The following NRXN3 variants were observed in gnomAD, a reference collection of about 807,000 sequenced individuals.
NRXN3 encodes neurexin III.
In NRXN3, 32 loss-of-function variants were observed where a neutral mutation model predicts 137.6. The ratio of observed to expected loss-of-function variants is 0.23; its 90% CI spans 0.18 to 0.31. NRXN3 has a LOEUF of 0.31. Among genes scored for constraint, NRXN3 ranks in the 10% least tolerant of loss-of-function variants. The pLI is 1.00. For missense variants in NRXN3, 1,574 were observed against 2,062.5 expected (o/e 0.76, Z 4.59); for synonymous variants, 798 against 784.5 (o/e 1.02, Z -0.29).
At chr14:79,854,536 TCA>T (rs2099398543) in intron 20 of NRXN3, among the ~76,000 whole-genome samples, 1 of 152,186 alleles carries the variant, frequency 6.6e-6, no homozygotes, top group Admixed American at 6.5e-5. Context: ...AATTCTACTC[TCA>T]GTAGAAGGGG....
chr14:79,423,759 T>C (rs1024654553), intron 15 of NRXN3, among the ~76,000 whole-genome samples: 1 of 152,232 alleles, frequency 6.6e-6, no homozygotes, highest in Admixed American at 6.5e-5. Context: ...AGATGCCTAG[T>C]ATGTGGTAAA....
intron 16 of NRXN3, among the ~76,000 whole-genome samples, chr14:79,530,662 C>G (rs2097162018): frequency 6.7e-6 from 1 of 149,066 alleles, no homozygotes; most frequent in East Asian, 2.0e-4. Context: ...AAAATTTTAG[C>G]TGTGATTGAA....
At chr14:78,414,496 T>C (rs1170821576) in intron 4 of NRXN3, among the ~76,000 whole-genome samples, 1 of 152,168 alleles carries the variant, frequency 6.6e-6, no homozygotes, top group Non-Finnish European at 1.5e-5. Flanking sequence ...CTGGTGGTGT[T>C]TTCCTTTCTC....
intron 4 of NRXN3, among the ~76,000 whole-genome samples, chr14:78,600,712 T>A (rs1322759967): frequency 6.6e-6 from 1 of 152,218 alleles, no homozygotes; most frequent in Middle Eastern, 3.2e-3. Flanking sequence ...CCTCCAGGGC[T>A]CTGGACATGT....
chr14:79,199,952 C>T (rs938398023), intron 15 of NRXN3: 1 of 152,068 alleles, frequency 6.6e-6, no homozygotes, highest in Non-Finnish European at 1.5e-5. Context: ...CACTGATGGT[C>T]ACTATGGAGA....
chr14:79,144,935 AATTAGGTT>A lies in NRXN3; in HGVS notation c.3262+156800_3262+156807del, dbSNP rs368537947. Among the ~76,000 whole-genome samples, 316 of 152,086 alleles carry A rather than the reference AATTAGGTT, an allele frequency of 2.1e-3. 1 individual carries two copies. Among genetic ancestry groups the A allele is most frequent in the Middle Eastern group, 6.8e-3 (2 of 294 alleles). On this transcript the variant is annotated intron_variant, in intron 15 of 20. Coordinates refer to ENST00000335750, the MANE Select transcript of NRXN3 (RefSeq NM_001330195.2). ...AGAGTTAATGGACTTATGATCTAAA[AATTAGGTT>A]ATTAGAAATTTTTGTCATAAAACCT...
chr14:79,612,504 T>C (rs1460201890), intron 16 of NRXN3, among the ~76,000 whole-genome samples: 1 of 152,204 alleles, frequency 6.6e-6, no homozygotes, highest in Non-Finnish European at 1.5e-5. Flanking sequence ...TCTGTAACCA[T>C]GTAAAAGAAA....
intron 16 of NRXN3, among the ~76,000 whole-genome samples, chr14:79,544,337 A>G (rs2153738606): frequency 6.6e-6 from 1 of 152,342 alleles, no homozygotes; most frequent in South Asian, 2.1e-4. Context: ...GTTTCCATGC[A>G]CTGGAGCATT....
intron 10 of NRXN3, among the ~76,000 whole-genome samples, chr14:78,932,968 G>A (rs2099326527): frequency 1.3e-5 from 2 of 152,152 alleles, no homozygotes; most frequent in Admixed American, 1.3e-4. Flanking sequence ...CAAAACCTAG[G>A]TGTGTGGCAG....
chr14:79,243,465 G>A (rs2074630540), intron 15 of NRXN3, among the ~76,000 whole-genome samples: 1 of 152,152 alleles, frequency 6.6e-6, no homozygotes, highest in African/African-American at 2.4e-5. Flanking sequence ...TGGATGCAGA[G>A]TGCTTTATGT....
At position 79,129,053 on chromosome 14, in the gene NRXN3, T is replaced by G. The variant is rs192118037; in HGVS notation, c.3262+140912T>G. 1.1e-3 allele frequency among the ~76,000 whole-genome samples: 171 copies of G among 152,336 alleles called. 1 individual carries two copies. The highest frequency in any genetic ancestry group is 2.5e-4 in the Non-Finnish European group (17 of 68,036). ...CTTTATCATTTTTTATTGCGTCTAT[T>G]TGATTCTTCTCTCTTTTTTTCTTTA... On this transcript the variant is annotated intron_variant, in intron 15 of 20. Coordinates refer to ENST00000335750, the MANE Select transcript of NRXN3 (RefSeq NM_001330195.2).
At chr14:78,875,467 G>T (rs560401641) in intron 10 of NRXN3, among the ~76,000 whole-genome samples, 3 of 151,958 alleles carry the variant, frequency 2.0e-5, no homozygotes, top group African/African-American at 7.3e-5. Flanking sequence ...ATACAGTGCC[G>T]TAATAAAAAT....
At chr14:78,659,375 TA>T (rs957046462) in intron 6 of NRXN3, among the ~76,000 whole-genome samples, 6 of 151,724 alleles carry the variant, frequency 4.0e-5, no homozygotes, top group African/African-American at 7.3e-5. Flanking sequence ...GGGTTGACCA[TA>T]AAAAAAAGAT....
At chr14:78,185,246 AGG>A (rs2060139658) in intron 1 of NRXN3, among the ~76,000 whole-genome samples, 1 of 152,208 alleles carries the variant, frequency 6.6e-6, no homozygotes, top group African/African-American at 2.4e-5. Flanking sequence ...GAGGGAACCC[AGG>A]GGTTTCGATG....
intron 10 of NRXN3, among the ~76,000 whole-genome samples, chr14:78,901,498 T>A (rs2099196277): frequency 6.6e-6 from 1 of 152,068 alleles, no homozygotes; most frequent in Non-Finnish European, 1.5e-5. Context: ...TCTATAAGTA[T>A]GTGACCTGGG....
At chr14:79,637,772 C>G (rs1026480010) in intron 16 of NRXN3, among the ~76,000 whole-genome samples, 5 of 115,688 alleles carry the variant, frequency 4.3e-5, no homozygotes, top group African/African-American at 2.0e-4. Context: ...CTCTAGCACA[C>G]AGGCTGGAAT....
intron 8 of NRXN3, among the ~76,000 whole-genome samples, chr14:78,717,245 A>G (rs2098438186): frequency 6.6e-6 from 1 of 152,160 alleles, no homozygotes; most frequent in Non-Finnish European, 1.5e-5. Flanking sequence ...TCAAGGGTGA[A>G]TCAACGGGAG....
intron 1 of NRXN3, among the ~76,000 whole-genome samples, chr14:78,239,394 A>G (rs2066780289): frequency 6.6e-6 from 1 of 152,192 alleles, no homozygotes; most frequent in Admixed American, 6.5e-5. Context: ...AGCTCAATAA[A>G]CAGTTGAATT....
chr14:78,427,474 A>G (rs1233304831), intron 4 of NRXN3, among the ~76,000 whole-genome samples: 1 of 152,214 alleles, frequency 6.6e-6, no homozygotes. Context: ...TATTTAAAAG[A>G]TCGATCGAAG....
Sources: gnomAD v4.1 joint callset for allele counts (sites outside exome capture counted in the v4.1 genomes callset) on GRCh38, gnomAD v4.1.1 for gene constraint, MANE v1.5 for transcripts, NCBI Gene and HGNC (gene_info 2026-07-23, HGNC 2026-07-21) for gene names.